The following MLLT10 variants were observed in gnomAD, a reference collection of about 807,000 sequenced individuals.
The protein encoded by MLLT10 is MLLT10 histone lysine methyltransferase DOT1L cofactor.
Under a neutral mutation model 129.1 loss-of-function variants are expected in MLLT10, and 30 were observed. That is an observed-to-expected ratio of 0.23 (90% CI 0.17 to 0.32). MLLT10 has a LOEUF of 0.32. Ranked by LOEUF, MLLT10 falls within the 10% of genes least tolerant of loss-of-function variation. MLLT10 has a pLI of 1.00. For missense variants in MLLT10, 1,119 were observed against 1,268.3 expected (o/e 0.88, Z 1.79); for synonymous variants, 490 against 446.4 (o/e 1.10, Z -1.23).
At chr10:21,689,735 G>T (rs898223460) in intron 13 of MLLT10, among the ~76,000 whole-genome samples, 5 of 148,458 alleles carry the variant, frequency 3.4e-5, no homozygotes, top group Admixed American at 2.0e-4. Context: ...TTAGCTATTA[G>T]TCCAAGGAGT....
At chr10:21,710,300 T>C (rs1047889976) in intron 13 of MLLT10, among the ~76,000 whole-genome samples, 1 of 152,102 alleles carries the variant, frequency 6.6e-6, no homozygotes, top group African/African-American at 2.4e-5. Flanking sequence ...CATAAATGAG[T>C]GACATGGTAA....
chr10:21,570,868 A>T (rs1174796901), intron 3 of MLLT10, among the ~76,000 whole-genome samples: 1 of 151,978 alleles, frequency 6.6e-6, no homozygotes, highest in Non-Finnish European at 1.5e-5. Flanking sequence ...GCTTCTATGT[A>T]AGTCTTATAA....
In MLLT10 at chr10:21,682,905, A is replaced by C. The variant is rs565318448; in HGVS notation, c.1699+648A>C. Among the ~76,000 whole-genome samples the C allele has an allele frequency of 5.0e-4, 76 of 152,262 alleles. No individual in the cohort carries two copies. In the South Asian group the frequency reaches 0.015, roughly 30 times the overall value. ...TTCCTTAATCCTTTGATGTTCAAAAATTCTCGTTTTGAGGCTAGTGTCAAC... is the reference window on the plus strand; with the variant it reads ...TTCCTTAATCCTTTGATGTTCAAAACTTCTCGTTTTGAGGCTAGTGTCAAC... On this transcript the variant is annotated intron_variant, in intron 13 of 22. Transcript: ENST00000307729.
rs75777848 is a variant in MLLT10 at position 21,677,029 on chromosome 10, A to G, written c.1621+3110A>G. On this transcript the variant is annotated intron_variant, in intron 11 of 22. Transcript: ENST00000307729. ...TGTGTTAAGCAGTTAATAAGCATTAAGTGTTATTACTCATTATATAGGACA... is the reference window on the plus strand; with the variant it reads ...TGTGTTAAGCAGTTAATAAGCATTAGGTGTTATTACTCATTATATAGGACA... Among the ~76,000 whole-genome samples, 626 of 152,300 alleles carry G rather than the reference A, an allele frequency of 4.1e-3. 8 individuals are homozygous for G. Among genetic ancestry groups the G allele is most frequent in the African/African-American group, 0.015 (618 of 41,552 alleles).
At chr10:21,653,192 C>T (rs2049224276) in intron 9 of MLLT10, among the ~76,000 whole-genome samples, 2 of 152,196 alleles carry the variant, frequency 1.3e-5, no homozygotes, top group South Asian at 2.1e-4. Context: ...TAATTAGGGT[C>T]TCTCAAGGCC....
chr10:21,680,060 A>G (rs1013379242), intron 11 of MLLT10, among the ~76,000 whole-genome samples: 1 of 152,032 alleles, frequency 6.6e-6, no homozygotes, highest in African/African-American at 2.4e-5. Context: ...AGCCATATAG[A>G]AATTAATTTC....
chr10:21,599,739 TA>T (rs1342848915), intron 5 of MLLT10, among the ~76,000 whole-genome samples: 1 of 152,102 alleles, frequency 6.6e-6, no homozygotes, highest in Non-Finnish European at 1.5e-5. Context: ...AAGTTTTTTG[TA>T]TTTTTTTTGT....
At chr10:21,588,857 T>G (rs1429574004) in intron 4 of MLLT10, among the ~76,000 whole-genome samples, 1 of 150,778 alleles carries the variant, frequency 6.6e-6, no homozygotes, top group Non-Finnish European at 1.5e-5. Context: ...AGGGTCTCCC[T>G]CTGTCACATA....
At chr10:21,545,168 T>C (rs779529445) in intron 3 of MLLT10, among the ~76,000 whole-genome samples, 1 of 151,402 alleles carries the variant, frequency 6.6e-6, no homozygotes, top group Non-Finnish European at 1.5e-5. Context: ...GATTTTTGTA[T>C]TGGAAATTTA....
At chr10:21,593,853 A>G (rs1250789994) in intron 4 of MLLT10, among the ~76,000 whole-genome samples, 1 of 141,552 alleles carries the variant, frequency 7.1e-6, no homozygotes. Context: ...GTTGAACTGG[A>G]AGGAGGAAGT....
intron 3 of MLLT10, among the ~76,000 whole-genome samples, chr10:21,552,133 C>T (rs1454728692): frequency 6.6e-6 from 1 of 152,080 alleles, no homozygotes; most frequent in Admixed American, 6.6e-5. Flanking sequence ...CACTATGTTG[C>T]TAGGCTGGTC....
chr10:21,647,749 T>TA (rs2048636826), intron 8 of MLLT10, among the ~76,000 whole-genome samples: 1 of 152,088 alleles, frequency 6.6e-6, no homozygotes. Context: ...TGTATTTTCT[T>TA]ATTTATTAAA....
chr10:21,640,636 T>A (rs2131293452), intron 8 of MLLT10, among the ~76,000 whole-genome samples: 1 of 152,240 alleles, frequency 6.6e-6, no homozygotes, highest in South Asian at 2.1e-4. Flanking sequence ...CTGAATCTTC[T>A]GTAATAGACA....
chr10:21,549,810 T>C (rs2036693534), intron 3 of MLLT10, among the ~76,000 whole-genome samples: 1 of 152,062 alleles, frequency 6.6e-6, no homozygotes, highest in Admixed American at 6.6e-5. Flanking sequence ...GGCTAATTTT[T>C]GTATTTTTTG....
intron 3 of MLLT10, among the ~76,000 whole-genome samples, chr10:21,542,911 CATTTT>C: frequency 6.6e-6 from 1 of 151,344 alleles, no homozygotes; most frequent in East Asian, 1.9e-4. Flanking sequence ...TGCAGGGGGG[CATTTT>C]ATTTTAACAT....
intron 9 of MLLT10, among the ~76,000 whole-genome samples, chr10:21,660,370 C>A (rs1235860291): frequency 2.0e-5 from 3 of 151,540 alleles, no homozygotes; most frequent in African/African-American, 7.3e-5. Flanking sequence ...TATCCCAGCA[C>A]TTTAGGAGGC....
At chr10:21,741,368 G>A (rs992475325) in intron 22 of MLLT10, among the ~76,000 whole-genome samples, 10 of 152,118 alleles carry the variant, frequency 6.6e-5, no homozygotes, top group Non-Finnish European at 1.5e-4. Context: ...TGTATTTAAT[G>A]GAAAATCACA....
At chr10:21,619,432 G>T (rs1482793455) in intron 8 of MLLT10, among the ~76,000 whole-genome samples, 2 of 152,176 alleles carry the variant, frequency 1.3e-5, no homozygotes, top group African/African-American at 4.8e-5. Context: ...TTGAAGGACA[G>T]TTATTAAATA....
rs371094742 is a variant in MLLT10, at chr10:21,594,811, G to A, written c.296-520G>A. ...ATCGCGCCATTGCACTCCAGCCTGG[G>A]CAACAAGAGTGAAACTCCATCTCAA... On this transcript the variant is annotated intron_variant, in intron 4 of 22. Coordinates refer to ENST00000307729, the MANE Select transcript of MLLT10 (RefSeq NM_001195626.3). 3.7e-4 allele frequency among the ~76,000 whole-genome samples: 55 copies of A among 149,952 alleles called. 1 individual carries two copies. The East Asian group carries it at 0.01, about 28-fold the overall frequency.
Sources: gnomAD v4.1 joint callset for allele counts (sites outside exome capture counted in the v4.1 genomes callset) on GRCh38, gnomAD v4.1.1 for gene constraint, MANE v1.5 for transcripts, NCBI Gene and HGNC (gene_info 2026-07-23, HGNC 2026-07-21) for gene names.